The following MARCHF1 variants were observed in gnomAD, a reference collection of about 807,000 sequenced individuals.
The protein encoded by MARCHF1 is E3 ubiquitin-protein ligase MARCHF1.
In MARCHF1, 40 loss-of-function variants were observed where a neutral mutation model predicts 54.2. The ratio of observed to expected loss-of-function variants is 0.74; its 90% CI spans 0.57 to 0.96. MARCHF1 has a LOEUF of 0.96. MARCHF1 is among the 40% of genes least tolerant of loss of function. The pLI is 0.00. For missense variants in MARCHF1, 586 were observed against 656.5 expected (o/e 0.89, Z 1.17); for synonymous variants, 236 against 236.3 (o/e 1.00, Z 0.01).
At chr4:164,108,905 C>T (rs1458648913) in intron 2 of MARCHF1, among the ~76,000 whole-genome samples, 2 of 151,980 alleles carry the variant, frequency 1.3e-5, no homozygotes, top group Non-Finnish European at 2.9e-5. Flanking sequence ...TTTAAAAGTG[C>T]TTATTAAAAC....
chr4:164,079,734 T>TC (rs1178081909), intron 2 of MARCHF1, among the ~76,000 whole-genome samples: 1 of 152,154 alleles, frequency 6.6e-6, no homozygotes, highest in Admixed American at 6.6e-5. Context: ...TTTCTATTTA[T>TC]CTACTTTTTA....
intron 4 of MARCHF1, among the ~76,000 whole-genome samples, chr4:163,803,162 ATATTAT>A (rs950348130): frequency 3.9e-5 from 6 of 152,162 alleles, no homozygotes; most frequent in Admixed American, 2.0e-4. Flanking sequence ...AATGTAAAAC[ATATTAT>A]TATTATTATT....
At chr4:164,224,806 T>C (rs1732206272) in intron 1 of MARCHF1, among the ~76,000 whole-genome samples, 1 of 152,074 alleles carries the variant, frequency 6.6e-6, no homozygotes, top group Non-Finnish European at 1.5e-5. Context: ...TATAAAGTTA[T>C]ATGCATACTA....
At chr4:163,550,890 A>T (rs1405476478) in intron 8 of MARCHF1, among the ~76,000 whole-genome samples, 2 of 152,152 alleles carry the variant, frequency 1.3e-5, no homozygotes, top group African/African-American at 4.8e-5. Context: ...TGAGCCCCAC[A>T]CCAAACTCAC....
intron 1 of MARCHF1, among the ~76,000 whole-genome samples, chr4:164,303,564 G>A (rs978386256): frequency 6.6e-6 from 1 of 152,172 alleles, no homozygotes; most frequent in African/African-American, 2.4e-5. Flanking sequence ...GCCTGGCACA[G>A]AGTAAATAAA....
chr4:164,058,599 C>T (rs543642689), intron 2 of MARCHF1, among the ~76,000 whole-genome samples: 27 of 152,116 alleles, frequency 1.8e-4, no homozygotes, highest in Non-Finnish European at 3.2e-4. Context: ...CAAATGCCAA[C>T]GACTTGGAGG....
In MARCHF1 at chr4:163,905,089, C is replaced by A. The variant is rs972838505; in HGVS notation, c.-38-50920G>T. On this transcript the variant is annotated intron_variant, in intron 3 of 9. Coordinates refer to ENST00000514618, the MANE Select transcript of MARCHF1 (RefSeq NM_001394959.1). ...GGCATCAAGTATGGTGGATAATGAT[C>A]CCTAAAGGTCTTACTTTGATACCTT... 4.6e-5 allele frequency among the ~76,000 whole-genome samples: 7 copies of A among 152,076 alleles called. No individual in the cohort carries two copies. The East Asian group carries it at 1.2e-3, about 25-fold the overall frequency.
intron 1 of MARCHF1, among the ~76,000 whole-genome samples, chr4:164,293,109 C>T (rs1734323683): frequency 1.3e-5 from 2 of 152,158 alleles, no homozygotes; most frequent in Admixed American, 1.3e-4. Flanking sequence ...AAAACAAAAT[C>T]ATAAATTTCT....
chr4:164,032,003 T>A (rs1753887138), intron 2 of MARCHF1, among the ~76,000 whole-genome samples: 2 of 152,218 alleles, frequency 1.3e-5, no homozygotes, highest in African/African-American at 4.8e-5. Flanking sequence ...TGTGCCTTAA[T>A]TTCAGAACTT....
chr4:164,000,619 A>AT (rs1164516065), intron 2 of MARCHF1, among the ~76,000 whole-genome samples: 3 of 151,696 alleles, frequency 2.0e-5, no homozygotes, highest in Non-Finnish European at 4.4e-5. Flanking sequence ...ATAGAATGTA[A>AT]TTTTTTTAAG....
At chr4:164,374,282 A>C (rs1731121604) in intron 1 of MARCHF1, among the ~76,000 whole-genome samples, 1 of 152,164 alleles carries the variant, frequency 6.6e-6, no homozygotes, top group South Asian at 2.1e-4. Context: ...TTCATCTTTT[A>C]ATCCAATAAT....
intron 2 of MARCHF1, among the ~76,000 whole-genome samples, chr4:164,031,997 C>T (rs1753887049): frequency 1.3e-5 from 2 of 152,060 alleles, no homozygotes; most frequent in Admixed American, 6.6e-5. Flanking sequence ...TTTAGTTGTG[C>T]CTTAATTTCA....
At chr4:164,374,720 T>G (rs1480041827) in intron 1 of MARCHF1, among the ~76,000 whole-genome samples, 2 of 152,170 alleles carry the variant, frequency 1.3e-5, no homozygotes, top group African/African-American at 4.8e-5. Flanking sequence ...AATTCTCTGC[T>G]ATTGTTAATG....
At chr4:164,036,257 A>G (rs950905916) in intron 2 of MARCHF1, among the ~76,000 whole-genome samples, 2 of 152,158 alleles carry the variant, frequency 1.3e-5, no homozygotes, top group African/African-American at 4.8e-5. Context: ...ACCCATAAGT[A>G]ATCCCCTTTA....
intron 9 of MARCHF1, among the ~76,000 whole-genome samples, chr4:163,538,955 AACTTT>A (rs1738628261): frequency 6.6e-6 from 1 of 152,144 alleles, no homozygotes; most frequent in South Asian, 2.1e-4. Context: ...CTCATTCGGA[AACTTT>A]AAGTGTGTTT....
intron 9 of MARCHF1, 105 bp from the exon 10 acceptor site, chr4:163,529,151 T>C (rs1221265990): frequency 1.1e-5 from 8 of 746,028 alleles, no homozygotes. Flanking sequence ...CCTTCTAGAT[T>C]ATGTATGTTA....
chr4:164,174,368 G>A (rs1436602893), intron 1 of MARCHF1, among the ~76,000 whole-genome samples: 13 of 152,288 alleles, frequency 8.5e-5, no homozygotes, highest in African/African-American at 3.1e-4. Context: ...AGAAAATATT[G>A]TTTCCTTCCT....
intron 1 of MARCHF1, chr4:164,197,677 C>T (rs1435409169): frequency 2.5e-6 from 4 of 1,612,482 alleles, no homozygotes; most frequent in East Asian, 4.5e-5. Flanking sequence ...CGCCCTGTTC[C>T]GCAGCTCTGA....
At chr4:164,047,211 G>C (rs1477494551) in intron 2 of MARCHF1, among the ~76,000 whole-genome samples, 1 of 152,130 alleles carries the variant, frequency 6.6e-6, no homozygotes, top group Admixed American at 6.6e-5. Flanking sequence ...AGCTGGGAAT[G>C]ACTTCAGCTG....
Sources: allele counts gnomAD v4.1 joint callset (sites outside exome capture counted in the v4.1 genomes callset), GRCh38; gene constraint gnomAD v4.1.1; transcripts MANE v1.5; gene names NCBI Gene and HGNC (gene_info 2026-07-23, HGNC 2026-07-21).